The following MAF variants were observed in gnomAD, a reference collection of about 807,000 sequenced individuals.
The protein encoded by MAF is transcription factor Maf.
In MAF, 10 loss-of-function variants were observed where a neutral mutation model predicts 22.0. The ratio of observed to expected loss-of-function variants is 0.45; its 90% CI spans 0.28 to 0.77. The LOEUF (loss-of-function observed/expected upper bound fraction) is 0.77. Among genes scored for constraint, MAF ranks in the 30% least tolerant of loss-of-function variants. The pLI is 0.12. For synonymous variants in MAF, 337 were observed against 255.8 expected (o/e 1.32, Z -3.03); for missense variants, 544 against 548.4 (o/e 0.99, Z 0.08).
chr16:79,301,744 A>C, the MAF span, among the ~76,000 whole-genome samples: 1 of 152,206 alleles, frequency 6.6e-6, no homozygotes, highest in Non-Finnish European at 1.5e-5. Context: ...ACATTTACAC[A>C]CACACATATG....
the MAF span, among the ~76,000 whole-genome samples, chr16:79,223,767 G>T: frequency 6.6e-6 from 1 of 152,100 alleles, no homozygotes; most frequent in Non-Finnish European, 1.5e-5. Flanking sequence ...TAGAAGAAAT[G>T]GATAAATTCC....
the MAF span, among the ~76,000 whole-genome samples, chr16:79,220,566 T>G: frequency 6.6e-6 from 1 of 152,190 alleles, no homozygotes; most frequent in Non-Finnish European, 1.5e-5. Context: ...ACTTAATCAT[T>G]TTTTTATTCT....
chr16:79,363,077 G>T, the MAF span, among the ~76,000 whole-genome samples: 1 of 152,106 alleles, frequency 6.6e-6, no homozygotes, highest in Non-Finnish European at 1.5e-5. Flanking sequence ...CCCTAAAAGG[G>T]GGGGAACATG....
the MAF span, among the ~76,000 whole-genome samples, chr16:79,323,867 C>T: frequency 5.9e-5 from 9 of 152,182 alleles, no homozygotes; most frequent in Non-Finnish European, 1.2e-4. Context: ...TGACCATGAA[C>T]TTACAGCTAC....
chr16:79,339,899 A>G, the MAF span, among the ~76,000 whole-genome samples: 1 of 152,192 alleles, frequency 6.6e-6, no homozygotes, highest in Non-Finnish European at 1.5e-5. Flanking sequence ...CGCTAAAAGC[A>G]TCCTGCCAAG....
chr16:79,494,200 A>C, the MAF span, among the ~76,000 whole-genome samples: 2 of 152,210 alleles, frequency 1.3e-5, no homozygotes, highest in Admixed American at 6.5e-5. Flanking sequence ...TCCACGGGTC[A>C]GAAGTCCAGT....
At chr16:79,549,279 A>G in the MAF span, among the ~76,000 whole-genome samples, 1 of 152,198 alleles carries the variant, frequency 6.6e-6, no homozygotes, top group Non-Finnish European at 1.5e-5. Flanking sequence ...ATTGAGCAGA[A>G]CAGCCCCATG....
chr16:79,382,722 C>G, the MAF span, among the ~76,000 whole-genome samples: 6 of 152,128 alleles, frequency 3.9e-5, no homozygotes, highest in African/African-American at 7.2e-5. Flanking sequence ...TTGATCAGAG[C>G]ATCATATCTC....
chr16:79,406,687 T>C, the MAF span, among the ~76,000 whole-genome samples: 5 of 152,108 alleles, frequency 3.3e-5, no homozygotes, highest in African/African-American at 1.2e-4. Flanking sequence ...GGCATCAACA[T>C]TCTGTCTATA....
At chr16:79,430,267 C>T in the MAF span, among the ~76,000 whole-genome samples, 1 of 152,216 alleles carries the variant, frequency 6.6e-6, no homozygotes, top group African/African-American at 2.4e-5. Flanking sequence ...ATATTGAGCA[C>T]GTAGAGCCTG....
At chr16:79,329,249 T>A in the MAF span, among the ~76,000 whole-genome samples, 1 of 152,124 alleles carries the variant, frequency 6.6e-6, no homozygotes, top group African/African-American at 2.4e-5. Context: ...CAAAACCCAG[T>A]TCCTTATAAG....
At chr16:79,238,882 G>C in the MAF span, among the ~76,000 whole-genome samples, 3 of 151,952 alleles carry the variant, frequency 2.0e-5, no homozygotes, top group Non-Finnish European at 4.4e-5. Context: ...CTTGACCCCA[G>C]CACACTCCAT....
chr16:79,591,956 A>G (rs1036933367), downstream of MAF, among the ~76,000 whole-genome samples: 8 of 133,814 alleles, frequency 6.0e-5, no homozygotes, highest in African/African-American at 2.5e-5. Context: ...AAAAGGAAAC[A>G]TGTGAACATA....
the MAF span, among the ~76,000 whole-genome samples, chr16:79,551,304 C>T: frequency 2.6e-5 from 4 of 152,120 alleles, no homozygotes; most frequent in Non-Finnish European, 5.9e-5. Flanking sequence ...GCACCCAAGG[C>T]ATCATTTCTG....
At chr16:79,344,328 A>T in the MAF span, among the ~76,000 whole-genome samples, 1 of 152,250 alleles carries the variant, frequency 6.6e-6, no homozygotes, top group South Asian at 2.1e-4. Flanking sequence ...AGTCACTGAC[A>T]TTCTTCAAGA....
chr16:79,258,116 A>G, the MAF span, among the ~76,000 whole-genome samples: 1 of 152,194 alleles, frequency 6.6e-6, no homozygotes, highest in Admixed American at 6.5e-5. Context: ...GCTGCCTGTA[A>G]GCCGCAGAAT....
At chr16:79,584,096 G>C (rs1043041011), downstream of MAF, among the ~76,000 whole-genome samples, 2 of 152,090 alleles carry the variant, frequency 1.3e-5, no homozygotes, top group Non-Finnish European at 2.9e-5. Flanking sequence ...ATATAATCTA[G>C]AATGCTTCTG....
At chr16:79,490,762 T>C in the MAF span, among the ~76,000 whole-genome samples, 1 of 152,186 alleles carries the variant, frequency 6.6e-6, no homozygotes, top group African/African-American at 2.4e-5. Flanking sequence ...TGTTTTGTAC[T>C]GAGAACAAAA....
At chr16:79,418,032 T>C in the MAF span, among the ~76,000 whole-genome samples, 2 of 152,060 alleles carry the variant, frequency 1.3e-5, no homozygotes, top group Non-Finnish European at 2.9e-5. Flanking sequence ...GATAATCAAA[T>C]TGTTGAACTA....
Sources: allele counts gnomAD v4.1 joint callset (sites outside exome capture counted in the v4.1 genomes callset), GRCh38; gene constraint gnomAD v4.1.1; transcripts MANE v1.5; gene names NCBI Gene and HGNC (gene_info 2026-07-23, HGNC 2026-07-21).